Variants in SRGAP3 observed in about 807,000 individuals in gnomAD.
SRGAP3 encodes SLIT-ROBO Rho GTPase activating protein 3.
Under a neutral mutation model 121.1 loss-of-function variants are expected in SRGAP3, and 39 were observed. The ratio of observed to expected loss-of-function variants is 0.32; its 90% CI spans 0.25 to 0.42. The LOEUF (loss-of-function observed/expected upper bound fraction) is 0.42. Among genes scored for constraint, SRGAP3 ranks in the 10% least tolerant of loss-of-function variants. The pLI, the probability that SRGAP3 is intolerant of heterozygous loss-of-function variation, is 1.00. For synonymous variants in SRGAP3, 601 were observed against 570.0 expected (o/e 1.05, Z -0.77); for missense variants, 1,213 against 1,470.6 (o/e 0.82, Z 2.86).
At chr3:9,339,589 C>T (rs1955748344) in intron 1 of SRGAP3, among the ~76,000 whole-genome samples, 1 of 152,196 alleles carries the variant, frequency 6.6e-6, no homozygotes, top group Admixed American at 6.5e-5. Flanking sequence ...GGTAGAGACC[C>T]AGTCAGCATC....
At chr3:9,140,554 T>C (rs1293887886) in intron 1 of SRGAP3, among the ~76,000 whole-genome samples, 2 of 152,212 alleles carry the variant, frequency 1.3e-5, no homozygotes, top group East Asian at 3.8e-4. Context: ...TTAGCAGACT[T>C]TTTCCACAAG....
intron 18 of SRGAP3, among the ~76,000 whole-genome samples, chr3:9,004,211 G>T (rs181900891): frequency 1.3e-5 from 2 of 152,098 alleles, no homozygotes; most frequent in African/African-American, 4.8e-5. Context: ...AAGACAAAAG[G>T]ATAAAAGGCA....
intron 1 of SRGAP3, among the ~76,000 whole-genome samples, chr3:9,353,728 CTAT>C (rs1559289991): frequency 6.6e-6 from 1 of 152,166 alleles, no homozygotes; most frequent in Non-Finnish European, 1.5e-5. Flanking sequence ...GACTCCTAGG[CTAT>C]TATTTCATTA....
chr3:9,312,151 G>GTTGTTA (rs1350099363), intron 3 of SRGAP3, among the ~76,000 whole-genome samples: 2 of 152,038 alleles, frequency 1.3e-5, no homozygotes, highest in African/African-American at 2.4e-5. Context: ...TTTTGTTGTT[G>GTTGTTA]TTGTTATTGT....
chr3:9,013,510 T>A lies in SRGAP3; in HGVS notation c.1945A>T (p.Met649Leu). The A allele has an allele frequency of 6.2e-7, 1 of 1,614,080 alleles. No individual in the cohort carries two copies. Among genetic ancestry groups the A allele is most frequent in the Non-Finnish European group, 8.5e-7 (1 of 1,180,014 alleles). The change falls in exon 17 of 22, where the codon ATG (methionine) becomes TTG (leucine). Residue 649 changes from methionine to leucine, a missense_variant. Physicochemically the swap from Met to Leu is conservative, Grantham distance 15. Around this residue, in one of 2 missense-constraint regions of SRGAP3, gnomAD observed 793 missense variants for 1,032.9 expected, o/e 0.77. Coordinates refer to ENST00000383836, the MANE Select transcript of SRGAP3 (RefSeq NM_014850.4). ...ATGGCCAGGTTGTAGGGATCCATCA[T>A]GTTCTCGTCGCTATACTGGGAGAGG... ...NHLSQYSDEN[M>L]MDPYNLAICF...
Position 9,190,891 on chromosome 3 carries a change from C to T in SRGAP3, c.67+57994G>A, listed in dbSNP as rs1321265426. Among the ~76,000 whole-genome samples, 6 of 152,156 alleles carry T rather than the reference C, an allele frequency of 3.9e-5. No homozygotes were observed. In the East Asian group the frequency reaches 9.6e-4, roughly 24 times the overall value. On this transcript the variant is annotated intron_variant, in intron 1 of 21. Transcript: ENST00000383836. The stretch of plus-strand genomic sequence containing the variant: ...GAGGGGAGCCCCACTGCCTTGAGCT[C>T]AGCCAGTCACCCCTTTGTTCCACGA...
intron 1 of SRGAP3, among the ~76,000 whole-genome samples, chr3:9,356,182 ACTTTTTTTT>A (rs1390964367): frequency 1.4e-5 from 2 of 143,576 alleles, no homozygotes; most frequent in African/African-American, 2.6e-5. Context: ...TGTTTATGGG[ACTTTTTTTT>A]CTTTTTTTTT....
chr3:9,167,694 A>G (rs1349326780), intron 1 of SRGAP3, among the ~76,000 whole-genome samples: 1 of 152,182 alleles, frequency 6.6e-6, no homozygotes, highest in Admixed American at 6.5e-5. Context: ...AGGAAGGAGG[A>G]GAATCCAGCT....
In SRGAP3 at chr3:8,993,029, C is replaced by T; in HGVS notation, c.2435G>A (p.Ser812Asn). The change falls in exon 20 of 22, where the codon AGC becomes AAC. Residue 812 changes from serine to asparagine, a missense_variant. By Grantham distance (46) the Ser-to-Asn change is conservative. Around this residue, in one of 2 missense-constraint regions of SRGAP3, gnomAD observed 420 missense variants for 437.7 expected, o/e 0.96. Transcript: ENST00000383836. ...DMDDAFSDSLSQKADSEASSG... is the reference protein window; with the variant it reads ...DMDDAFSDSLNQKADSEASSG... Reference sequence around the variant, plus strand: ...GCTGGCCTCGCTGTCAGCCTTCTGGCTCAGGCTGTCGGAGAAGGCATCATC... The same window carrying T: ...GCTGGCCTCGCTGTCAGCCTTCTGGTTCAGGCTGTCGGAGAAGGCATCATC... 1 of 1,614,214 alleles carries T rather than the reference C, an allele frequency of 6.2e-7. No individual in the cohort carries two copies.
In SRGAP3 at chr3:9,047,401, G is replaced by C. The variant is rs756421434; in HGVS notation, c.1398C>G (p.Thr466=). ...CACCAGCCCACTCACCTTCGCCCAG[G>C]GTCTGCTTGAGTAAATCGTGCTTGG... is the stretch of plus-strand genomic sequence containing the variant. ...LQAKHDLLKQ[T]LGEGERAECG... is the part of the protein sequence containing the mutation. The change falls in exon 10 of 22, where the codon ACC becomes ACG. Residue 466 remains threonine (T), a synonymous_variant. Transcript: ENST00000383836. 9 of 1,614,002 alleles carry C rather than the reference G, an allele frequency of 5.6e-6. No homozygotes were observed. The highest frequency in any genetic ancestry group is 1.6e-4 in the Middle Eastern group (1 of 6,084).
intron 1 of SRGAP3, among the ~76,000 whole-genome samples, chr3:9,204,552 A>G (rs1180794418): frequency 6.6e-6 from 1 of 152,228 alleles, no homozygotes; most frequent in Non-Finnish European, 1.5e-5. Context: ...TGTGTACACA[A>G]CAGCTTTCTC....
intron 8 of SRGAP3, among the ~76,000 whole-genome samples, chr3:9,055,764 T>C (rs1471024735): frequency 2.0e-5 from 3 of 152,192 alleles, no homozygotes; most frequent in Non-Finnish European, 2.9e-5. Context: ...AACCCAAACA[T>C]AGCAACTAAT....
chr3:9,030,569 G>C (rs1944436048), intron 12 of SRGAP3, among the ~76,000 whole-genome samples: 2 of 152,198 alleles, frequency 1.3e-5, no homozygotes, highest in Admixed American at 1.3e-4. Context: ...GCTTCCCAAG[G>C]TGACTGTCTC....
intron 1 of SRGAP3, among the ~76,000 whole-genome samples, chr3:9,331,876 G>A (rs1383277011): frequency 6.6e-6 from 1 of 152,022 alleles, no homozygotes; most frequent in Non-Finnish European, 1.5e-5. Context: ...CCATATAAGT[G>A]AGCCCAGACA....
chr3:9,298,515 A>C (rs1324973374), intron 3 of SRGAP3, among the ~76,000 whole-genome samples: 1 of 151,790 alleles, frequency 6.6e-6, no homozygotes, highest in Non-Finnish European at 1.5e-5. Flanking sequence ...AAACAATTCC[A>C]CCCCTCCCTG....
intron 1 of SRGAP3, among the ~76,000 whole-genome samples, chr3:9,343,840 T>C (rs1223179474): frequency 6.6e-6 from 1 of 152,194 alleles, no homozygotes; most frequent in Non-Finnish European, 1.5e-5. Flanking sequence ...AGCTAATTTT[T>C]GTATTTTTTG....
intron 1 of SRGAP3, among the ~76,000 whole-genome samples, chr3:9,225,087 A>T (rs1952941832): frequency 6.6e-6 from 1 of 151,974 alleles, no homozygotes; most frequent in Non-Finnish European, 1.5e-5. Flanking sequence ...AAATCCCCAA[A>T]CTTCATAAAA....
chr3:9,329,330 T>C lies in SRGAP3; in HGVS notation n.283+1198A>G, dbSNP rs569190842. On this transcript the variant is annotated intron_variant and non_coding_transcript_variant, in intron 2 of 3. Transcript: ENST00000490889. Reference sequence around the variant, plus strand: ...GCCAGGCTTCTGGGTTTCCTTTCCCTGAGGGGCCCCAGTGACCCAGCTTGC... The same window carrying C: ...GCCAGGCTTCTGGGTTTCCTTTCCCCGAGGGGCCCCAGTGACCCAGCTTGC... 3.9e-5 allele frequency among the ~76,000 whole-genome samples: 6 copies of C among 152,316 alleles called. No homozygotes were observed. The South Asian group carries it at 1.2e-3, about 32-fold the overall frequency.
chr3:9,175,162 T>TA (rs1373060485), intron 1 of SRGAP3, among the ~76,000 whole-genome samples: 3 of 152,106 alleles, frequency 2.0e-5, no homozygotes, highest in African/African-American at 7.2e-5. Context: ...AGCATGAGCT[T>TA]AAATCCCAAG....
Sources: allele counts gnomAD v4.1 joint callset (sites outside exome capture counted in the v4.1 genomes callset), GRCh38; gene constraint gnomAD v4.1.1; regional missense constraint gnomAD v4.1.1; transcripts MANE v1.5; gene names NCBI Gene and HGNC (gene_info 2026-07-23, HGNC 2026-07-21).